CDKL2: variants seen among roughly 807,000 people sequenced by gnomAD.
CDKL2 encodes cyclin-dependent kinase-like 2.
In CDKL2, 64 loss-of-function variants were observed where a neutral mutation model predicts 63.9. That is an observed-to-expected ratio of 1.00 (90% CI 0.82 to 1.23). CDKL2 has a LOEUF of 1.23. CDKL2 is among the 50% of genes most tolerant of loss of function. The pLI, the probability that CDKL2 is intolerant of heterozygous loss-of-function variation, is 0.00. For synonymous variants in CDKL2, 211 were observed against 229.2 expected (o/e 0.92, Z 0.72); for missense variants, 656 against 668.0 (o/e 0.98, Z 0.20).
At chr4:75,625,682 A>G in intron 2 of CDKL2, 139 bp downstream of exon 2, 1 of 656,308 alleles carries the variant, frequency 1.5e-6, no homozygotes, top group East Asian at 2.8e-5. Context: ...AGATATAGAG[A>G]GAAGGAACAA....
chr4:75,612,193 G>C (rs145272131), intron 3 of CDKL2, among the ~76,000 whole-genome samples: 3,752 of 152,060 alleles, frequency 0.025, 67 homozygotes, highest in Non-Finnish European at 0.037. Context: ...GGCTGGCTTC[G>C]AACTCCTGAC....
chr4:75,613,107 A>G (rs372601386), intron 3 of CDKL2, among the ~76,000 whole-genome samples: 7 of 145,862 alleles, frequency 4.8e-5, no homozygotes, highest in African/African-American at 1.8e-4. Context: ...CCTGGGCGAT[A>G]GAGGGAGACT....
At chr4:75,604,069 G>T in intron 5 of CDKL2, 113 bp from the exon 6 acceptor site, 2 of 1,018,176 alleles carry the variant, frequency 2.0e-6, no homozygotes, top group Non-Finnish European at 2.9e-6. Context: ...GGAGTTTGGG[G>T]CTCTCTCAAC....
intron 12 of CDKL2, among the ~76,000 whole-genome samples, chr4:75,584,762 T>C (rs13134611): frequency 0.4 from 61,442 of 152,028 alleles, 13,209 homozygotes; most frequent in African/African-American, 0.52. Flanking sequence ...ATTCATGTCC[T>C]GAGCAGAACA....
chr4:75,620,775 G>A (rs942035510), intron 2 of CDKL2, among the ~76,000 whole-genome samples: 5 of 152,104 alleles, frequency 3.3e-5, no homozygotes, highest in African/African-American at 7.2e-5. Context: ...TTCAGGGGCC[G>A]TGAAGGTGAA....
At chr4:75,627,869 G>C (rs1293470482) in intron 1 of CDKL2, among the ~76,000 whole-genome samples, 1 of 148,372 alleles carries the variant, frequency 6.7e-6, no homozygotes, top group Non-Finnish European at 1.5e-5. Context: ...CCGCTACCAC[G>C]CCCAGCTAAT....
intron 1 of CDKL2, among the ~76,000 whole-genome samples, chr4:75,627,602 T>C (rs1324288012): frequency 6.6e-6 from 1 of 152,180 alleles, no homozygotes. Flanking sequence ...TCAACTTTTT[T>C]GTTACACTGG....
intron 2 of CDKL2, among the ~76,000 whole-genome samples, chr4:75,624,173 A>G (rs1730295514): frequency 6.6e-6 from 1 of 151,812 alleles, no homozygotes; most frequent in African/African-American, 2.4e-5. Context: ...AGAAGTAAAA[A>G]TATGGAAAAG....
chr4:75,615,412 GA>G (rs1283997987), intron 2 of CDKL2, among the ~76,000 whole-genome samples: 8 of 152,056 alleles, frequency 5.3e-5, no homozygotes, highest in African/African-American at 1.9e-4. Context: ...ACACTCACCA[GA>G]AAAAAATGTT....
chr4:75,577,347 C>A lies in CDKL2; in HGVS notation c.*1855G>T, dbSNP rs937659395. ...AATCACTGAAACCAATTTGCAGAATCTTTTTCTAGTAGTTCTGCCACAGTT... is the reference window on the plus strand; with the variant it reads ...AATCACTGAAACCAATTTGCAGAATATTTTTCTAGTAGTTCTGCCACAGTT... On this transcript the variant is annotated 3_prime_UTR_variant, in exon 14 of 14. Transcript: ENST00000307465. Among the ~76,000 whole-genome samples the A allele has an allele frequency of 1.3e-5, 2 of 152,094 alleles. No homozygotes were observed. The highest frequency in any genetic ancestry group is 4.8e-5 in the African/African-American group (2 of 41,432).
Position 75,607,326 on chromosome 4 carries a change from T to A in CDKL2, c.399A>T (p.Leu133Phe). The A allele has an allele frequency of 6.2e-7, 1 of 1,613,922 alleles. No homozygotes were observed. The highest frequency in any genetic ancestry group is 8.5e-7 in the Non-Finnish European group (1 of 1,179,824). ...IHRDIKPENI[L>F]VSQSGVVKLC... ...GCTTGACAACGCCAGACTGGGAGAC[T>A]AATATATTCTCTGGCTTTATATCTC... The change falls in exon 4 of 14, where the codon TTA becomes TTT. Residue 133 changes from leucine to phenylalanine, a missense_variant. Transcript: ENST00000307465.
At chr4:75,607,864 G>C in intron 3 of CDKL2, among the ~76,000 whole-genome samples, 1 of 152,174 alleles carries the variant, frequency 6.6e-6, no homozygotes. Context: ...CCAGGATGGA[G>C]TGCAGTGGCG....
In CDKL2 at chr4:75,603,935, T is replaced by C; in HGVS notation, c.677A>G (p.Gln226Arg). 6.2e-7 allele frequency: 1 copy of C among 1,609,670 alleles called. No homozygotes were observed. The highest frequency in any genetic ancestry group is 8.5e-7 in the Non-Finnish European group (1 of 1,178,922). Residue 226 changes from glutamine to arginine, a missense_variant, in exon 6 of 14, where the codon CAG (glutamine) becomes CGG (arginine). By Grantham distance (43) the Gln-to-Arg change is conservative. Transcript: ENST00000307465. ...MCLGNLIPRH[Q>R]ELFNKNPVFA... ...CACAGGATTTTTATTAAAAAGCTCC[T>C]GATGCCTTGGAATTAGATTACCTGG...
At chr4:75,627,397 G>A (rs538671813) in intron 1 of CDKL2, among the ~76,000 whole-genome samples, 1 of 151,992 alleles carries the variant, frequency 6.6e-6, no homozygotes, top group East Asian at 2.0e-4. Flanking sequence ...CTCCGCCTCT[G>A]AGTAGCTGGG....
At chr4:75,610,975 C>G (rs1160810112) in intron 3 of CDKL2, among the ~76,000 whole-genome samples, 2 of 152,138 alleles carry the variant, frequency 1.3e-5, no homozygotes, top group Non-Finnish European at 1.5e-5. Flanking sequence ...ATAGCTGACA[C>G]TTGAATACTT....
chr4:75,577,282 T>C lies in CDKL2; in HGVS notation c.*1920A>G, dbSNP rs2148850752. On this transcript the variant is annotated 3_prime_UTR_variant, in exon 14 of 14. Transcript: ENST00000307465. ...AAGGATCATTTTGGTTCAATATCTA[T>C]TATTGTTGATTATGTAATCTTGTTG... Among the ~76,000 whole-genome samples the C allele has an allele frequency of 6.6e-6, 1 of 152,284 alleles. No individual in the cohort carries two copies. Among genetic ancestry groups the C allele is most frequent in the Middle Eastern group, 3.4e-3 (1 of 294 alleles).
At chr4:75,588,538 G>A (rs899676891) in intron 12 of CDKL2, among the ~76,000 whole-genome samples, 3 of 152,160 alleles carry the variant, frequency 2.0e-5, no homozygotes, top group African/African-American at 4.8e-5. Flanking sequence ...ATTTCTTACT[G>A]TTAAAGAAGA....
chr4:75,608,261 ATTACAGGCGCC>A (rs1729518030), intron 3 of CDKL2, among the ~76,000 whole-genome samples: 1 of 149,520 alleles, frequency 6.7e-6, no homozygotes. Flanking sequence ...AGTAGCTGAG[ATTACAGGCGCC>A]TGCCACCATG....
chr4:75,589,294 AGTTT>A (rs1365148814), intron 12 of CDKL2, among the ~76,000 whole-genome samples: 2 of 139,200 alleles, frequency 1.4e-5, no homozygotes, highest in African/African-American at 5.3e-5. Context: ...AAAATTTGAT[AGTTT>A]CTTTTTTTTT....
Sources: allele counts gnomAD v4.1 joint callset (sites outside exome capture counted in the v4.1 genomes callset), GRCh38; gene constraint gnomAD v4.1.1; transcripts MANE v1.5; gene names NCBI Gene and HGNC (gene_info 2026-07-23, HGNC 2026-07-21).